Variants in DMXL1 observed in about 807,000 individuals in gnomAD.
DMXL1 encodes Dmx like 1, also known as dmX-like protein 1.
A neutral mutation model predicts 319.2 loss-of-function variants in DMXL1; 99 were observed. The observed-to-expected ratio is 0.31, with a 90% CI of 0.26 to 0.37. The LOEUF is 0.37. Ranked by LOEUF, DMXL1 falls within the 10% of genes least tolerant of loss-of-function variation. DMXL1 has a pLI of 1.00. For synonymous variants in DMXL1, 1,385 were observed against 1,235.2 expected, an observed-to-expected ratio of 1.12 and a Z score of -2.54; for missense variants, 3,745 against 3,595.6, an observed-to-expected ratio of 1.04 and a Z score of -1.06.
At chr5:119,137,259 T>A (rs1035469373) in intron 13 of DMXL1, among the ~76,000 whole-genome samples, 1 of 152,258 alleles carries the variant, frequency 6.6e-6, no homozygotes, top group African/African-American at 2.4e-5. Context: ...TTGGCCAGTT[T>A]CTTCTATTTG....
chr5:119,202,476 A>G (rs1177389304), intron 32 of DMXL1, among the ~76,000 whole-genome samples: 1 of 152,198 alleles, frequency 6.6e-6, no homozygotes, highest in Non-Finnish European at 1.5e-5. Flanking sequence ...CCAAAATTCA[A>G]AATTTTTTGA....
rs1233548398 is a variant in DMXL1 at position 119,170,805 on chromosome 5, C to A, written c.6014C>A (p.Thr2005Lys). ...TTGGATGACATAAGTTCTAACTACACAGAATCTTTCAGCACACTAGATGAA... is the reference window on the plus strand; with the variant it reads ...TTGGATGACATAAGTTCTAACTACAAAGAATCTTTCAGCACACTAGATGAA... Reference protein sequence around the residue: ...KKLDDISSNYTESFSTLDEND... With the variant: ...KKLDDISSNYKESFSTLDEND... The change falls in exon 24 of 44, where the codon ACA becomes AAA. Residue 2005 changes from threonine to lysine, a missense_variant. This residue lies in a region of DMXL1 where 1,382 missense variants were observed against 1,269.5 expected (regional missense o/e 1.09). Coordinates refer to ENST00000539542, the MANE Select transcript of DMXL1 (RefSeq NM_001290321.3). The A allele has an allele frequency of 6.2e-7, 1 of 1,611,358 alleles. No individual in the cohort carries two copies. Among genetic ancestry groups the A allele is most frequent in the African/African-American group, 1.4e-5 (1 of 73,980 alleles).
chr5:119,171,096 A>G lies in DMXL1; in HGVS notation c.6305A>G (p.Asp2102Gly), dbSNP rs1299286308. The change falls in exon 24 of 44, where the codon GAT (aspartate) becomes GGT (glycine). Residue 2102 changes from aspartate to glycine, a missense_variant. Asp to Gly is a moderately conservative substitution (Grantham distance 94). Transcript: ENST00000539542. ...DEFGLNEDAE[D>G]LPHQTKVKQL... ...TTTGGATTAAATGAGGATGCTGAAG[A>G]TTTGCCTCACCAAACAAAAGTGAAA... 1.2e-6 allele frequency: 2 copies of G among 1,613,892 alleles called. No homozygotes were observed. Among genetic ancestry groups the G allele is most frequent in the Non-Finnish European group, 1.7e-6 (2 of 1,179,880 alleles).
In DMXL1 at chr5:119,190,617, A is replaced by T. The variant is rs554404323; in HGVS notation, c.7314+731A>T. On this transcript the variant is annotated intron_variant, in intron 29 of 43. Transcript: ENST00000539542. ...TAAGATGAAAGTGCATCCATAAAAA[A>T]AGTGATAGTACTGAGAGTGAAATTC... 2.3e-3 allele frequency among the ~76,000 whole-genome samples: 343 copies of T among 152,352 alleles called. 2 individuals carry two copies. The highest frequency in any genetic ancestry group is 7.7e-3 in the African/African-American group (322 of 41,590).
chr5:119,137,555 C>T (rs1205263467), intron 13 of DMXL1, among the ~76,000 whole-genome samples: 1 of 152,186 alleles, frequency 6.6e-6, no homozygotes, highest in African/African-American at 2.4e-5. Flanking sequence ...ATAATTGCCA[C>T]ATATCAAGGG....
chr5:119,129,100 G>A lies in DMXL1; in HGVS notation c.1103-111G>A, dbSNP rs1764238176. The A allele has an allele frequency of 1.0e-5, 7 of 686,752 alleles. No homozygotes were observed. In the South Asian group the frequency reaches 1.1e-4, roughly 11 times the overall value. 42.5% of individuals were successfully genotyped at this position (686,752 alleles called of 1,614,324 possible). Reference sequence around the variant, plus strand: ...AATAAAATTAAAAAGTGAAAGAGAAGGACTTTCAGGCAAACAAAATATAAA... The same window carrying A: ...AATAAAATTAAAAAGTGAAAGAGAAAGACTTTCAGGCAAACAAAATATAAA... On this transcript the variant is annotated intron_variant, in intron 9 of 43. Coordinates refer to ENST00000539542, the MANE Select transcript of DMXL1 (RefSeq NM_001290321.3).
intron 34 of DMXL1, among the ~76,000 whole-genome samples, chr5:119,209,685 A>G (rs187984040): frequency 7.2e-5 from 11 of 152,216 alleles, no homozygotes; most frequent in East Asian, 3.9e-4. Flanking sequence ...TGTGTAGTCT[A>G]TATTTTCATT....
chr5:119,202,670 G>C (rs1048405817), intron 32 of DMXL1, among the ~76,000 whole-genome samples: 3 of 151,642 alleles, frequency 2.0e-5, no homozygotes, highest in Non-Finnish European at 1.5e-5. Context: ...TGCCAACATG[G>C]TGAAACCCTG....
intron 1 of DMXL1, among the ~76,000 whole-genome samples, chr5:119,097,105 G>A (rs990166333): frequency 6.6e-6 from 1 of 152,170 alleles, no homozygotes; most frequent in Non-Finnish European, 1.5e-5. Flanking sequence ...ATAAAAGGCA[G>A]ATAAACACCT....
chr5:119,187,597 A>G (rs1457490781), intron 28 of DMXL1, among the ~76,000 whole-genome samples: 1 of 152,172 alleles, frequency 6.6e-6, no homozygotes, highest in Non-Finnish European at 1.5e-5. Context: ...CTAAAGTAAT[A>G]CACATTCATT....
At chr5:119,115,277 C>G (rs140441707) in intron 6 of DMXL1, among the ~76,000 whole-genome samples, 108 of 152,228 alleles carry the variant, frequency 7.1e-4, no homozygotes, top group African/African-American at 2.5e-3. Flanking sequence ...TTTATATTAC[C>G]TTTTAGCTGA....
In DMXL1 at chr5:119,160,092, A is replaced by C. The variant is rs563756248; in HGVS notation, c.4703-4415A>C. Among the ~76,000 whole-genome samples, 25 of 151,672 alleles carry C rather than the reference A, an allele frequency of 1.6e-4. No individual in the cohort carries two copies. In the East Asian group the frequency reaches 2.5e-3, roughly 15 times the overall value. The stretch of plus-strand genomic sequence containing the variant: ...GCTAACTTTGGGCTGAGTTTCTTCC[A>C]ATTTTTGTTCCTTGATGTATAATAG... On this transcript the variant is annotated intron_variant, in intron 19 of 43. Transcript: ENST00000539542.
rs1173434585 is a variant in DMXL1 at position 119,133,220 on chromosome 5, A to T, written c.1404A>T (p.Thr468=). ...CDKMVPNSSF[T]SLSSAAIDHQ... is the part of the protein sequence containing the mutation. ...AAATGGTACCAAACTCAAGTTTTAC[A>T]TCATTATCGTCAGCTGCCATTGATC... Residue 468 remains threonine, a synonymous_variant, in exon 11 of 44, where the codon ACA becomes ACT. Coordinates refer to ENST00000539542, the MANE Select transcript of DMXL1 (RefSeq NM_001290321.3). The T allele has an allele frequency of 6.8e-6, 11 of 1,614,126 alleles. No individual in the cohort carries two copies. Among genetic ancestry groups the T allele is most frequent in the Non-Finnish European group, 8.5e-6 (10 of 1,180,048 alleles).
intron 1 of DMXL1, among the ~76,000 whole-genome samples, chr5:119,074,323 C>T (rs1359139050): frequency 6.6e-6 from 1 of 152,174 alleles, no homozygotes; most frequent in Non-Finnish European, 1.5e-5. Flanking sequence ...CCCTCAGTTG[C>T]ATTTTACTTG....
chr5:119,173,797 T>TATATATATATATATATATATATAA (rs1305561997), intron 25 of DMXL1, among the ~76,000 whole-genome samples: 7 of 130,752 alleles, frequency 5.4e-5, no homozygotes, highest in Non-Finnish European at 8.1e-5. Context: ...TATATATATA[T>TATATATATATATATATATATATAA]AATGAGAGAG....
At chr5:119,177,583 A>T (rs1382311211) in intron 27 of DMXL1, 99 bp downstream of exon 27, 4 of 1,028,420 alleles carry the variant, frequency 3.9e-6, no homozygotes, top group Non-Finnish European at 5.5e-6. Flanking sequence ...ATCATTGTTA[A>T]ATACTGTTAG....
intron 29 of DMXL1, among the ~76,000 whole-genome samples, chr5:119,192,965 A>G (rs1208406948): frequency 6.6e-6 from 1 of 152,178 alleles, no homozygotes; most frequent in Non-Finnish European, 1.5e-5. Flanking sequence ...CAAATCTATC[A>G]GCAGACCTGT....
At position 119,247,210 on chromosome 5, in the gene DMXL1, T is replaced by C. The variant is rs138335294; in HGVS notation, c.9138T>C (p.Phe3046=). 4 of 1,609,850 alleles carry C rather than the reference T, an allele frequency of 2.5e-6. No homozygotes were observed. Among genetic ancestry groups the C allele is most frequent in the Non-Finnish European group, 3.4e-6 (4 of 1,176,450 alleles). ...AAGTGTTGAAAAATGATGTGAAATTTATGCTATAACATTTTTACAATAAGA... is the reference window on the plus strand; with the variant it reads ...AAGTGTTGAAAAATGATGTGAAATTCATGCTATAACATTTTTACAATAAGA... The part of the protein sequence containing the change: ...LNEVLKNDVK[F]ML Residue 3046 remains phenylalanine, a synonymous_variant, in exon 44 of 44, where the codon TTT becomes TTC. Transcript: ENST00000539542.
chr5:119,118,336 A>G (rs531866874), intron 7 of DMXL1, among the ~76,000 whole-genome samples: 18 of 152,258 alleles, frequency 1.2e-4, no homozygotes, highest in Non-Finnish European at 2.6e-4. Flanking sequence ...GATATAATTC[A>G]AAGAACTATC....
Sources: allele counts gnomAD v4.1 joint callset (sites outside exome capture counted in the v4.1 genomes callset), GRCh38; gene constraint gnomAD v4.1.1; regional missense constraint gnomAD v4.1.1; transcripts MANE v1.5; gene names NCBI Gene and HGNC (gene_info 2026-07-23, HGNC 2026-07-21).